Variants in FAF1 observed in about 807,000 individuals in gnomAD.
FAF1 encodes FAS-associated factor 1.
A neutral mutation model predicts 92.5 loss-of-function variants in FAF1; 25 were observed. The observed-to-expected ratio is 0.27, with a 90% CI of 0.20 to 0.38. The LOEUF (loss-of-function observed/expected upper bound fraction) is 0.38, where lower values mean the gene tolerates loss of function less well. Ranked by LOEUF, FAF1 falls within the 10% of genes least tolerant of loss-of-function variation. The pLI is 1.00. For synonymous variants in FAF1, 234 were observed against 273.2 expected (o/e 0.86, Z 1.42); for missense variants, 636 against 793.3 (o/e 0.80, Z 2.38).
chr1:50,530,932 C>T (rs1648132864), intron 15 of FAF1, among the ~76,000 whole-genome samples: 1 of 152,160 alleles, frequency 6.6e-6, no homozygotes, highest in South Asian at 2.1e-4. Context: ...AAGGAATGCA[C>T]TGCTGAAAAC....
At chr1:50,464,272 G>C (rs1646467805) in intron 18 of FAF1, among the ~76,000 whole-genome samples, 1 of 152,170 alleles carries the variant, frequency 6.6e-6, no homozygotes, top group African/African-American at 2.4e-5. Context: ...CTCTCAAAGA[G>C]TTGAGATTAT....
At chr1:50,472,532 T>TA (rs1646589903) in intron 18 of FAF1, among the ~76,000 whole-genome samples, 1 of 152,032 alleles carries the variant, frequency 6.6e-6, no homozygotes, top group African/African-American at 2.4e-5. Flanking sequence ...TTCAGGGAAT[T>TA]ATGCTCAGCA....
rs542361069 is a variant in FAF1 at position 50,672,535 on chromosome 1, G to C, written c.658-17007C>G. Among the ~76,000 whole-genome samples the C allele has an allele frequency of 8.0e-5, 12 of 150,226 alleles. No individual in the cohort carries two copies. The South Asian group carries it at 1.9e-3, about 24-fold the overall frequency. ...TGGATTCAAACAATCTGCCTACCTC[G>C]ACCTACCAAAGTGCTGGGATTATAG... On this transcript the variant is annotated intron_variant, in intron 7 of 18. Transcript: ENST00000396153.
At chr1:50,752,288 TTTGA>T (rs930267848) in intron 4 of FAF1, among the ~76,000 whole-genome samples, 2 of 152,168 alleles carry the variant, frequency 1.3e-5, no homozygotes, top group African/African-American at 4.8e-5. Flanking sequence ...GTGGGAAGGT[TTTGA>T]TTGACAATTC....
intron 1 of FAF1, among the ~76,000 whole-genome samples, chr1:50,900,077 T>A (rs1012456318): frequency 2.0e-5 from 3 of 152,190 alleles, no homozygotes; most frequent in Non-Finnish European, 4.4e-5. Context: ...GCTCTAGCAT[T>A]TCTCAAAAAA....
chr1:50,892,902 C>T (rs1644730859), intron 1 of FAF1, among the ~76,000 whole-genome samples: 1 of 152,020 alleles, frequency 6.6e-6, no homozygotes, highest in African/African-American at 2.4e-5. Flanking sequence ...TCTTCTGTCT[C>T]CTCTGACTGT....
At chr1:50,619,389 G>A (rs1448598452) in intron 8 of FAF1, among the ~76,000 whole-genome samples, 2 of 152,166 alleles carry the variant, frequency 1.3e-5, no homozygotes, top group Non-Finnish European at 2.9e-5. Context: ...TTGATTCCAA[G>A]TTTAGTACTC....
intron 18 of FAF1, among the ~76,000 whole-genome samples, chr1:50,459,629 T>A (rs920051632): frequency 6.6e-6 from 1 of 152,234 alleles, no homozygotes; most frequent in Non-Finnish European, 1.5e-5. Flanking sequence ...CCTGATTCTG[T>A]TGTCTTCTCT....
At chr1:50,447,071 T>A (rs1315816347) in intron 18 of FAF1, among the ~76,000 whole-genome samples, 2 of 151,314 alleles carry the variant, frequency 1.3e-5, no homozygotes, top group African/African-American at 4.9e-5. Flanking sequence ...GTTCAATATG[T>A]GGAACTGGAA....
intron 1 of FAF1, among the ~76,000 whole-genome samples, chr1:50,905,455 G>C (rs187991180): frequency 1.3e-5 from 2 of 152,128 alleles, no homozygotes; most frequent in Non-Finnish European, 2.9e-5. Flanking sequence ...TTGAGGAATC[G>C]CCACACTGTC....
chr1:50,843,220 G>T (rs1644270479), intron 2 of FAF1, among the ~76,000 whole-genome samples: 1 of 152,098 alleles, frequency 6.6e-6, no homozygotes, highest in Non-Finnish European at 1.5e-5. Context: ...TATGTGATAA[G>T]AGGGTTTGCC....
intron 15 of FAF1, among the ~76,000 whole-genome samples, chr1:50,516,689 A>G (rs1647232997): frequency 6.6e-6 from 1 of 152,230 alleles, no homozygotes; most frequent in African/African-American, 2.4e-5. Context: ...TTTGTTCTCC[A>G]TGGTTGGCTG....
At chr1:50,687,570 T>C (rs1010903981) in intron 7 of FAF1, among the ~76,000 whole-genome samples, 1 of 151,506 alleles carries the variant, frequency 6.6e-6, no homozygotes, top group African/African-American at 2.4e-5. Context: ...GCCAACAAGG[T>C]GAAACCCCGT....
At chr1:50,739,396 A>ATACATATGTG (rs1557502961) in intron 5 of FAF1, among the ~76,000 whole-genome samples, 2 of 117,674 alleles carry the variant, frequency 1.7e-5, no homozygotes, top group African/African-American at 9.4e-5. Flanking sequence ...ATGTGTGTTT[A>ATACATATGTG]TGTGTATGTG....
At chr1:50,739,986 T>C (rs1659319870) in intron 5 of FAF1, among the ~76,000 whole-genome samples, 1 of 151,238 alleles carries the variant, frequency 6.6e-6, no homozygotes, top group Non-Finnish European at 1.5e-5. Flanking sequence ...CATTAAGAAA[T>C]ACATTGTATA....
chr1:50,835,486 G>T (rs1336366141), intron 2 of FAF1, among the ~76,000 whole-genome samples: 1 of 147,872 alleles, frequency 6.8e-6, no homozygotes, highest in Admixed American at 6.9e-5. Flanking sequence ...CAGGAGAATC[G>T]CTTGAACCCA....
rs542270370 is a variant in FAF1 at position 50,620,552 on chromosome 1, A to T, written c.745-24336T>A. On this transcript the variant is annotated intron_variant, in intron 8 of 18. Coordinates refer to ENST00000396153, the MANE Select transcript of FAF1 (RefSeq NM_007051.3). ...CCAGATTCTCAATTCTGTGTCTGTCATTGCAGTCATTTTGGAATGGTTAAG... is the reference window on the plus strand; with the variant it reads ...CCAGATTCTCAATTCTGTGTCTGTCTTTGCAGTCATTTTGGAATGGTTAAG... Among the ~76,000 whole-genome samples the T allele has an allele frequency of 3.0e-4, 45 of 152,196 alleles. 1 individual carries two copies. The highest frequency in any genetic ancestry group is 5.9e-4 in the Non-Finnish European group (40 of 68,036).
At chr1:50,519,315 C>A (rs113146201) in intron 15 of FAF1, among the ~76,000 whole-genome samples, 1 of 139,374 alleles carries the variant, frequency 7.2e-6, no homozygotes, top group Non-Finnish European at 1.5e-5. Flanking sequence ...GGTGACAGAG[C>A]GAGACTGTCT....
intron 12 of FAF1, 53 bp downstream of exon 12, chr1:50,582,565 T>C (rs1389199082): frequency 8.8e-7 from 1 of 1,140,888 alleles, no homozygotes; most frequent in African/African-American, 1.5e-5. Context: ...TCAGCCCTAG[T>C]GGTAAACCTG....
Sources: allele counts gnomAD v4.1 joint callset (sites outside exome capture counted in the v4.1 genomes callset), GRCh38; gene constraint gnomAD v4.1.1; transcripts MANE v1.5; gene names NCBI Gene and HGNC (gene_info 2026-07-23, HGNC 2026-07-21).